The following PPP1R9A variants were observed in gnomAD, a reference collection of about 807,000 sequenced individuals.
PPP1R9A encodes protein phosphatase 1 regulatory subunit 9A.
In PPP1R9A, 59 loss-of-function variants were observed where a neutral mutation model predicts 141.9. The observed-to-expected ratio is 0.42, with a 90% CI of 0.34 to 0.52. The LOEUF (loss-of-function observed/expected upper bound fraction) is 0.52. PPP1R9A is among the 20% of genes least tolerant of loss of function. The pLI is 0.10. For missense variants in PPP1R9A, 1,444 were observed against 1,611.9 expected (o/e 0.90, Z 1.78); for synonymous variants, 500 against 569.7 (o/e 0.88, Z 1.74).
chr7:95,143,604 A>G (rs576302373), intron 4 of PPP1R9A, among the ~76,000 whole-genome samples: 5 of 152,166 alleles, frequency 3.3e-5, no homozygotes, highest in Non-Finnish European at 7.4e-5. Flanking sequence ...CTACCGAGTC[A>G]GTAGTGCCTA....
intron 5 of PPP1R9A, among the ~76,000 whole-genome samples, chr7:95,197,254 T>A (rs1204181656): frequency 1.3e-5 from 2 of 152,174 alleles, no homozygotes; most frequent in Non-Finnish European, 2.9e-5. Context: ...AGAAACTGCA[T>A]CCTAGAGACA....
intron 8 of PPP1R9A, among the ~76,000 whole-genome samples, chr7:95,228,926 C>G (rs898946468): frequency 6.6e-6 from 1 of 152,094 alleles, no homozygotes; most frequent in Non-Finnish European, 1.5e-5. Flanking sequence ...GGACATATTA[C>G]TGGAGTGGGT....
At chr7:95,094,633 A>AC (rs1474920197) in intron 2 of PPP1R9A, among the ~76,000 whole-genome samples, 1 of 152,072 alleles carries the variant, frequency 6.6e-6, no homozygotes, top group African/African-American at 2.4e-5. Context: ...TAATCCCAGC[A>AC]CTTTGGGAGG....
intron 2 of PPP1R9A, among the ~76,000 whole-genome samples, chr7:95,015,043 G>A (rs954810455): frequency 2.0e-5 from 3 of 151,732 alleles, no homozygotes; most frequent in Non-Finnish European, 4.4e-5. Flanking sequence ...CATTGTATAC[G>A]GATCTCTTCC....
At chr7:95,031,344 A>G (rs1237450106) in intron 2 of PPP1R9A, among the ~76,000 whole-genome samples, 1 of 152,214 alleles carries the variant, frequency 6.6e-6, no homozygotes, top group African/African-American at 2.4e-5. Flanking sequence ...TAAAAATATA[A>G]GTTCTGGGAA....
chr7:95,075,692 C>A (rs1021985583), intron 2 of PPP1R9A, among the ~76,000 whole-genome samples: 1 of 152,030 alleles, frequency 6.6e-6, no homozygotes, highest in African/African-American at 2.4e-5. Flanking sequence ...AAAAAATTAG[C>A]CTGGTGTGGT....
intron 18 of PPP1R9A, 29 bp from the exon 19 acceptor site, chr7:95,288,507 A>T (rs763022339): frequency 6.2e-7 from 1 of 1,607,370 alleles, no homozygotes; most frequent in Non-Finnish European, 8.5e-7. Flanking sequence ...TTGGTCCTTT[A>T]ACAACACTAC....
chr7:95,112,908 A>C (rs1820814798), intron 3 of PPP1R9A, among the ~76,000 whole-genome samples: 1 of 152,142 alleles, frequency 6.6e-6, no homozygotes, highest in East Asian at 1.9e-4. Context: ...AGTAATAGAC[A>C]CTGGGGACTC....
intron 2 of PPP1R9A, among the ~76,000 whole-genome samples, chr7:95,062,460 C>G (rs1170280815): frequency 6.6e-6 from 1 of 150,940 alleles, no homozygotes; most frequent in African/African-American, 2.4e-5. Context: ...ACTCTGTCAC[C>G]CAGGCTGGAG....
intron 2 of PPP1R9A, among the ~76,000 whole-genome samples, chr7:95,081,777 C>T (rs953698595): frequency 3.3e-5 from 5 of 152,130 alleles, no homozygotes; most frequent in African/African-American, 9.7e-5. Flanking sequence ...TGGAAATTAA[C>T]CAAAGTCTTG....
intron 4 of PPP1R9A, among the ~76,000 whole-genome samples, chr7:95,151,428 G>C (rs115106369): frequency 3.9e-5 from 6 of 152,142 alleles, no homozygotes; most frequent in African/African-American, 1.4e-4. Flanking sequence ...AAACTATGGA[G>C]ACAGTAAAAA....
rs571537704 is a variant in PPP1R9A at position 95,241,573 on chromosome 7, G to A, written c.2113-5900G>A. Reference sequence around the variant, plus strand: ...CTGGCAGTTTAATGGAAGGTACGGCGAGGCTGGCTCAGGAACTGTTAGCCA... The same window carrying A: ...CTGGCAGTTTAATGGAAGGTACGGCAAGGCTGGCTCAGGAACTGTTAGCCA... On this transcript the variant is annotated intron_variant, in intron 8 of 19. Transcript: ENST00000433360. 4.6e-5 allele frequency among the ~76,000 whole-genome samples: 7 copies of A among 152,074 alleles called. No homozygotes were observed. The East Asian group carries it at 7.7e-4, about 17-fold the overall frequency.
chr7:94,920,633 G>A (rs968191204), intron 2 of PPP1R9A, among the ~76,000 whole-genome samples: 10 of 152,160 alleles, frequency 6.6e-5, no homozygotes, highest in African/African-American at 9.7e-5. Context: ...TCTTTTATAA[G>A]TCAGATGAGT....
chr7:95,053,110 G>C (rs1181529418), intron 2 of PPP1R9A, among the ~76,000 whole-genome samples: 4 of 152,148 alleles, frequency 2.6e-5, no homozygotes, highest in African/African-American at 9.7e-5. Context: ...GCATTGGTGG[G>C]ACGACTTCCC....
At chr7:95,103,710 C>A (rs1191587888) in intron 2 of PPP1R9A, among the ~76,000 whole-genome samples, 1 of 152,160 alleles carries the variant, frequency 6.6e-6, no homozygotes, top group African/African-American at 2.4e-5. Flanking sequence ...ACTAGGCTTA[C>A]AATTAGTGAA....
intron 2 of PPP1R9A, among the ~76,000 whole-genome samples, chr7:95,047,330 T>C (rs1287492195): frequency 6.6e-6 from 1 of 152,238 alleles, no homozygotes; most frequent in Non-Finnish European, 1.5e-5. Context: ...ATGCCAGTTA[T>C]AGAGAGCTGT....
chr7:95,125,256 T>C (rs1823360720), intron 4 of PPP1R9A, among the ~76,000 whole-genome samples: 1 of 152,114 alleles, frequency 6.6e-6, no homozygotes, highest in Admixed American at 6.6e-5. Flanking sequence ...ACTGGGAGTA[T>C]AAGCGAGTGC....
rs530186532 is a variant in PPP1R9A, at chr7:95,259,878, C to A, written c.2665+7748C>A. ...GTTCTAAATTGGAGCCTAGGGAATT[C>A]TAGAGTAGATTCAGCCTTTTTAAAA... On this transcript the variant is annotated intron_variant, in intron 12 of 19. Coordinates refer to ENST00000433360, the MANE Select transcript of PPP1R9A (RefSeq NM_001166160.2). Among the ~76,000 whole-genome samples the A allele has an allele frequency of 3.3e-5, 5 of 152,210 alleles. No homozygotes were observed. The East Asian group carries it at 9.6e-4, about 29-fold the overall frequency.
chr7:95,255,034 A>C (rs962427822), intron 12 of PPP1R9A, among the ~76,000 whole-genome samples: 2 of 152,044 alleles, frequency 1.3e-5, no homozygotes, highest in Non-Finnish European at 2.9e-5. Context: ...TTTTTCCACC[A>C]AGAGCCATAA....
Sources: allele counts gnomAD v4.1 joint callset (sites outside exome capture counted in the v4.1 genomes callset), GRCh38; gene constraint gnomAD v4.1.1; transcripts MANE v1.5; gene names NCBI Gene and HGNC (gene_info 2026-07-23, HGNC 2026-07-21).